The following ZNF385D variants were observed in gnomAD, a reference collection of about 807,000 sequenced individuals.
ZNF385D encodes the protein zinc finger protein 659.
Under a neutral mutation model 35.8 loss-of-function variants are expected in ZNF385D, and 15 were observed. That is an observed-to-expected ratio of 0.42 (90% CI 0.28 to 0.64). The LOEUF (loss-of-function observed/expected upper bound fraction) is 0.64, where lower values mean the gene tolerates loss of function less well. Among genes scored for constraint, ZNF385D ranks in the 30% least tolerant of loss-of-function variants. The pLI is 0.23. For missense variants in ZNF385D, 474 were observed against 494.6 expected, an observed-to-expected ratio of 0.96 and a Z score of 0.39; for synonymous variants, 212 against 186.8, an observed-to-expected ratio of 1.13 and a Z score of -1.10.
At chr3:22,109,212 G>A (rs1200467053) in intron 3 of ZNF385D, among the ~76,000 whole-genome samples, 1 of 152,096 alleles carries the variant, frequency 6.6e-6, no homozygotes, top group Non-Finnish European at 1.5e-5. Flanking sequence ...TTTTTGGAAG[G>A]TGAATGACTC....
At chr3:21,660,961 G>C (rs986766793) in intron 2 of ZNF385D, among the ~76,000 whole-genome samples, 1 of 152,164 alleles carries the variant, frequency 6.6e-6, no homozygotes, top group Non-Finnish European at 1.5e-5. Flanking sequence ...CTGGAAGCCT[G>C]AGGCTTATAT....
chr3:21,444,204 T>C (rs1575155788), intron 4 of ZNF385D, among the ~76,000 whole-genome samples: 1 of 150,834 alleles, frequency 6.6e-6, no homozygotes. Context: ...CTCAGCCTCC[T>C]GAGTAGCTGG....
chr3:22,321,922 C>A (rs1165193177), intron 2 of ZNF385D, among the ~76,000 whole-genome samples: 5 of 151,950 alleles, frequency 3.3e-5, no homozygotes, highest in South Asian at 2.1e-4. Context: ...ATAATTATTT[C>A]TCCTACCTAT....
chr3:22,083,546 T>G (rs1279572222), intron 3 of ZNF385D, among the ~76,000 whole-genome samples: 1 of 150,932 alleles, frequency 6.6e-6, no homozygotes, highest in Admixed American at 6.6e-5. Context: ...AGAGTAAAAA[T>G]AAATGAACAA....
chr3:21,436,634 A>G (rs1266064633), intron 5 of ZNF385D, among the ~76,000 whole-genome samples: 1 of 152,166 alleles, frequency 6.6e-6, no homozygotes, highest in Non-Finnish European at 1.5e-5. Flanking sequence ...CAGTTTTAGA[A>G]AATGTCATTT....
At chr3:21,438,988 G>T (rs1701716020) in intron 4 of ZNF385D, among the ~76,000 whole-genome samples, 1 of 152,012 alleles carries the variant, frequency 6.6e-6, no homozygotes, top group Non-Finnish European at 1.5e-5. Context: ...TTAAGATGGT[G>T]CCATAGCTGA....
rs150282285 is a variant in ZNF385D at position 21,976,525 on chromosome 3, T to C, written c.325+192292A>G. Reference sequence around the variant, plus strand: ...AGATCAAAAGAAAATATCTAGACTATAACAGGAAATACACAGAAGAGTACA... The same window carrying C: ...AGATCAAAAGAAAATATCTAGACTACAACAGGAAATACACAGAAGAGTACA... On this transcript the variant is annotated intron_variant, in intron 3 of 5. Transcript: ENST00000494108. Among the ~76,000 whole-genome samples the C allele has an allele frequency of 2.5e-3, 375 of 152,106 alleles. 1 individual carries two copies. The highest frequency in any genetic ancestry group is 8.6e-3 in the African/African-American group (357 of 41,498).
At chr3:21,903,530 T>C (rs1200583194) in intron 3 of ZNF385D, among the ~76,000 whole-genome samples, 1 of 152,202 alleles carries the variant, frequency 6.6e-6, no homozygotes, top group East Asian at 1.9e-4. Context: ...TCAAAATTGA[T>C]GGCTGCTACA....
chr3:22,362,249 A>G (rs1319196604), intron 2 of ZNF385D, among the ~76,000 whole-genome samples: 1 of 151,680 alleles, frequency 6.6e-6, no homozygotes, highest in African/African-American at 2.4e-5. Context: ...AAAAGAGAAA[A>G]CTCTAAGTAT....
At chr3:21,560,768 C>T (rs569425984) in intron 3 of ZNF385D, among the ~76,000 whole-genome samples, 6 of 152,320 alleles carry the variant, frequency 3.9e-5, no homozygotes, top group African/African-American at 1.4e-4. Context: ...CCCAGGTGCT[C>T]TGTCCCAGGG....
intron 3 of ZNF385D, among the ~76,000 whole-genome samples, chr3:21,787,234 T>C (rs1400730290): frequency 2.0e-5 from 3 of 152,216 alleles, no homozygotes; most frequent in Non-Finnish European, 4.4e-5. Context: ...CGCTCAATGA[T>C]AGAAGGTGTG....
At chr3:21,891,120 T>C (rs1698836490) in intron 3 of ZNF385D, among the ~76,000 whole-genome samples, 1 of 147,532 alleles carries the variant, frequency 6.8e-6, no homozygotes, top group Non-Finnish European at 1.5e-5. Context: ...TAATACTCTA[T>C]AAGATTTTTA....
chr3:22,236,248 T>C (rs1339252178), intron 2 of ZNF385D, among the ~76,000 whole-genome samples: 3 of 152,208 alleles, frequency 2.0e-5, no homozygotes, highest in African/African-American at 4.8e-5. Flanking sequence ...TACATATGTA[T>C]ACACATATAT....
chr3:21,499,523 T>C (rs986024625), intron 4 of ZNF385D, among the ~76,000 whole-genome samples: 3 of 152,106 alleles, frequency 2.0e-5, no homozygotes, highest in Admixed American at 2.0e-4. Flanking sequence ...AACTACATAT[T>C]GGGTACTATG....
intron 3 of ZNF385D, among the ~76,000 whole-genome samples, chr3:22,126,109 A>T (rs1400224624): frequency 6.6e-6 from 1 of 151,890 alleles, no homozygotes; most frequent in African/African-American, 2.4e-5. Flanking sequence ...TTTTTGAGGG[A>T]TTGTATCATG....
At chr3:21,969,670 A>T (rs768839369) in intron 3 of ZNF385D, among the ~76,000 whole-genome samples, 6 of 152,080 alleles carry the variant, frequency 3.9e-5, no homozygotes, top group Non-Finnish European at 5.9e-5. Context: ...TGGATTCACC[A>T]TCTGCTTATT....
chr3:21,471,704 G>A (rs537142225), intron 4 of ZNF385D, among the ~76,000 whole-genome samples: 2 of 152,220 alleles, frequency 1.3e-5, no homozygotes, highest in South Asian at 4.1e-4. Context: ...GAAATAGCTT[G>A]AAGTATGATG....
chr3:21,536,877 G>A (rs774673852), intron 3 of ZNF385D, among the ~76,000 whole-genome samples: 5 of 151,930 alleles, frequency 3.3e-5, no homozygotes, highest in Non-Finnish European at 7.3e-5. Context: ...AGAAATCGGA[G>A]GGAAGAGTAT....
intron 4 of ZNF385D, among the ~76,000 whole-genome samples, chr3:21,502,255 C>T (rs945169967): frequency 5.9e-5 from 9 of 152,310 alleles, no homozygotes; most frequent in Admixed American, 3.9e-4. Context: ...CACACCGGGA[C>T]AGACTTTGTC....
Sources: allele counts gnomAD v4.1 joint callset (sites outside exome capture counted in the v4.1 genomes callset), GRCh38; gene constraint gnomAD v4.1.1; transcripts MANE v1.5; gene names NCBI Gene and HGNC (gene_info 2026-07-23, HGNC 2026-07-21).